AFG2A: variants seen among roughly 807,000 people sequenced by gnomAD.
AFG2A encodes AAA ATPase AFG2A.
chr4:122,993,534 C>A, the AFG2A span, among the ~76,000 whole-genome samples: 4 of 151,892 alleles, frequency 2.6e-5, no homozygotes, highest in Admixed American at 2.0e-4. Context: ...GTGTGTAAAT[C>A]TTTGCATTTA....
the AFG2A span, among the ~76,000 whole-genome samples, chr4:122,961,804 G>A: frequency 2.0e-5 from 3 of 152,128 alleles, no homozygotes; most frequent in Non-Finnish European, 4.4e-5. Flanking sequence ...TGTTCTGGCT[G>A]ACAGATTTTC....
chr4:123,255,715 C>CTTTTTTTT, the AFG2A span, among the ~76,000 whole-genome samples: 14 of 103,908 alleles, frequency 1.3e-4, 4 homozygotes, highest in African/African-American at 7.2e-5. Context: ...TACTGCTTTT[C>CTTTTTTTT]TATTTTTTTT....
At chr4:123,149,457 C>T in the AFG2A span, among the ~76,000 whole-genome samples, 17 of 152,052 alleles carry the variant, frequency 1.1e-4, no homozygotes, top group African/African-American at 3.6e-4. Context: ...AAATGAAGAC[C>T]GAAGCTTTTT....
chr4:123,144,754 T>C, the AFG2A span, among the ~76,000 whole-genome samples: 1 of 152,122 alleles, frequency 6.6e-6, no homozygotes, highest in South Asian at 2.1e-4. Context: ...AGAACCTGTG[T>C]TGTAAAATTT....
chr4:123,123,686 G>A, the AFG2A span, among the ~76,000 whole-genome samples: 45 of 152,016 alleles, frequency 3.0e-4, no homozygotes, highest in East Asian at 8.3e-3. Context: ...GGTGGCTCAC[G>A]CCTGTAATCC....
chr4:123,297,710 C>T, the AFG2A span, among the ~76,000 whole-genome samples: 3 of 129,528 alleles, frequency 2.3e-5, no homozygotes, highest in African/African-American at 8.0e-5. Context: ...CAGAGTGAGA[C>T]TCCATCTCAA....
At chr4:123,112,379 A>T in the AFG2A span, among the ~76,000 whole-genome samples, 1 of 152,298 alleles carries the variant, frequency 6.6e-6, no homozygotes, top group East Asian at 1.9e-4. Context: ...ATTAAAATTC[A>T]AGCAGGGATG....
At chr4:123,078,752 T>C in the AFG2A span, among the ~76,000 whole-genome samples, 1 of 152,146 alleles carries the variant, frequency 6.6e-6, no homozygotes, top group Non-Finnish European at 1.5e-5. Context: ...GTGGGTTTGA[T>C]TGTTACCCTG....
At chr4:123,080,359 G>A in the AFG2A span, among the ~76,000 whole-genome samples, 1 of 152,198 alleles carries the variant, frequency 6.6e-6, no homozygotes, top group Admixed American at 6.5e-5. Flanking sequence ...ACTCTTGCTG[G>A]AACTTGCCCA....
At chr4:123,090,732 A>G in the AFG2A span, 4 of 1,595,270 alleles carry the variant, frequency 2.5e-6, no homozygotes, top group South Asian at 4.6e-5. Flanking sequence ...TGTGGATATT[A>G]TAAAATCAAG....
chr4:122,938,052 TA>T, the AFG2A span: 14 of 1,377,614 alleles, frequency 1.0e-5, no homozygotes, highest in African/African-American at 2.9e-5. Flanking sequence ...GCATTTCAGT[TA>T]AAAAAATTAA....
the AFG2A span, among the ~76,000 whole-genome samples, chr4:123,200,948 T>C: frequency 1.3e-5 from 2 of 152,170 alleles, no homozygotes; most frequent in Non-Finnish European, 1.5e-5. Context: ...AAAAATACAG[T>C]TTAGAGAGCC....
chr4:123,017,118 G>A, the AFG2A span, among the ~76,000 whole-genome samples: 7 of 146,686 alleles, frequency 4.8e-5, no homozygotes, highest in African/African-American at 1.7e-4. Context: ...TGTGGAAAGA[G>A]AGGGAGAGGG....
At chr4:123,308,605 A>G in the AFG2A span, among the ~76,000 whole-genome samples, 3 of 152,218 alleles carry the variant, frequency 2.0e-5, no homozygotes, top group African/African-American at 7.2e-5. Context: ...GAACGGATTC[A>G]TCCTGAAACC....
chr4:122,970,332 A>G, the AFG2A span, among the ~76,000 whole-genome samples: 1 of 152,138 alleles, frequency 6.6e-6, no homozygotes, highest in Non-Finnish European at 1.5e-5. Context: ...GCCTTGCTGT[A>G]TAGTAGGCCA....
the AFG2A span, among the ~76,000 whole-genome samples, chr4:122,972,579 C>T: frequency 6.6e-6 from 1 of 151,366 alleles, no homozygotes; most frequent in South Asian, 2.1e-4. Flanking sequence ...ACCAGTGTCC[C>T]CTTCAGTACT....
chr4:122,932,408 G>T, the AFG2A span, among the ~76,000 whole-genome samples: 2 of 152,002 alleles, frequency 1.3e-5, no homozygotes, highest in Admixed American at 6.5e-5. Context: ...GCCCAGGCTG[G>T]TCTTGAACTC....
chr4:123,213,921 C>T, the AFG2A span, among the ~76,000 whole-genome samples: 1 of 152,154 alleles, frequency 6.6e-6, no homozygotes. Context: ...ATCTCTTTCT[C>T]TTAAAAATAA....
At chr4:123,252,975 A>G in the AFG2A span, among the ~76,000 whole-genome samples, 1 of 152,194 alleles carries the variant, frequency 6.6e-6, no homozygotes, top group Non-Finnish European at 1.5e-5. Flanking sequence ...GTAGTATTCC[A>G]TTATATATTT....
Sources: allele counts gnomAD v4.1 joint callset (sites outside exome capture counted in the v4.1 genomes callset), GRCh38; gene constraint gnomAD v4.1.1; transcripts MANE v1.5; gene names NCBI Gene and HGNC (gene_info 2026-07-23, HGNC 2026-07-21).